Variants in EEF1AKMT2 observed in about 807,000 individuals in gnomAD.
EEF1AKMT2 encodes EEF1A lysine methyltransferase 2, also known as eukaryotic translation elongation factor 1 alpha lysine methyltransferase 2.
EEF1AKMT2 carries 32 observed loss-of-function variants against 35.8 expected under a neutral mutation model. The observed-to-expected ratio is 0.89, with a 90% CI of 0.67 to 1.20. The LOEUF is 1.20. Among genes scored for constraint, EEF1AKMT2 ranks in the 50% most tolerant of loss-of-function variants. EEF1AKMT2 has a pLI of 0.00. For missense variants in EEF1AKMT2, 330 were observed against 347.5 expected (o/e 0.95, Z 0.40); for synonymous variants, 121 against 133.7 (o/e 0.91, Z 0.65).
chr10:124,789,189 G>A (rs774521875), intron 2 of EEF1AKMT2, 32 bp from the exon 3 acceptor site: 10 of 1,456,098 alleles, frequency 6.9e-6, no homozygotes, highest in Non-Finnish European at 9.6e-6. Context: ...ATAACTGAGG[G>A]ATACAGAGCA....
intron 3 of EEF1AKMT2, among the ~76,000 whole-genome samples, chr10:124,784,531 A>G (rs1473677621): frequency 1.3e-5 from 2 of 152,154 alleles, no homozygotes; most frequent in Admixed American, 6.5e-5. Flanking sequence ...ATTTCATTAG[A>G]AAAGTCTCAA....
At chr10:124,765,925 C>T (rs984459217) in intron 4 of EEF1AKMT2, 15 of 190,366 alleles carry the variant, frequency 7.9e-5, no homozygotes, top group African/African-American at 3.0e-4. Context: ...TTATGAAAAA[C>T]CTGTTTCTGT....
In EEF1AKMT2 at chr10:124,789,182, AC is replaced by A. The variant is rs749398908; in HGVS notation, c.177-26del. 4.0e-6 allele frequency: 6 copies of A among 1,507,624 alleles called. No individual in the cohort carries two copies. The Admixed American group carries it at 1.0e-4, about 26-fold the overall frequency. The allele number at this position is 1,507,624 out of a possible 1,614,324, so 93.4% of individuals were successfully genotyped here. A position where few individuals can be genotyped will look rare whatever the true frequency, so the allele number is the denominator to read the frequency against. On this transcript the variant is annotated intron_variant, in intron 2 of 6. Transcript: ENST00000368836. ...CCTGTTAGAGAGAATCAGTCAAATA[AC>A]TGAGGGATACAGAGCAAAAGTCACC... is the stretch of plus-strand genomic sequence containing the variant.
intron 4 of EEF1AKMT2, among the ~76,000 whole-genome samples, chr10:124,770,118 A>G (rs561868733): frequency 7.5e-4 from 114 of 151,624 alleles, no homozygotes; most frequent in African/African-American, 2.7e-3. Context: ...TCTCGTCTCT[A>G]CTAAAAAAAT....
intron 6 of EEF1AKMT2, among the ~76,000 whole-genome samples, chr10:124,761,135 T>C (rs1950328432): frequency 6.6e-6 from 1 of 152,248 alleles, no homozygotes; most frequent in African/African-American, 2.4e-5. Flanking sequence ...CCCAAAGTGC[T>C]AGGATTACAG....
intron 3 of EEF1AKMT2, among the ~76,000 whole-genome samples, chr10:124,787,394 C>A (rs529845228): frequency 7.6e-6 from 1 of 130,928 alleles, no homozygotes; most frequent in South Asian, 2.5e-4. Flanking sequence ...GATCGTGAGA[C>A]TGCACTCCAG....
At chr10:124,788,745 T>C (rs1038114943) in intron 3 of EEF1AKMT2, among the ~76,000 whole-genome samples, 1 of 147,150 alleles carries the variant, frequency 6.8e-6, no homozygotes, top group African/African-American at 2.5e-5. Flanking sequence ...TCTAGAGTTT[T>C]GAGCTACAAG....
intron 1 of EEF1AKMT2, among the ~76,000 whole-genome samples, chr10:124,791,491 C>A (rs1950634104): frequency 6.6e-6 from 1 of 152,202 alleles, no homozygotes; most frequent in African/African-American, 2.4e-5. Flanking sequence ...CTGTCCCGCA[C>A]CCACAAGCCC....
chr10:124,769,248 A>ATATATATATATG lies in EEF1AKMT2; in HGVS notation c.400-3641_400-3640insCATATATATATA, dbSNP rs60863408. 1.4e-3 allele frequency among the ~76,000 whole-genome samples: 90 copies of ATATATATATATG among 63,788 alleles called. 2 individuals are homozygous for ATATATATATATG. Among genetic ancestry groups the ATATATATATATG allele is most frequent in the African/African-American group, 4.3e-3 (79 of 18,290 alleles). 41.8% of individuals were successfully genotyped at this position (63,788 alleles called of 152,430 possible). Reference sequence around the variant, plus strand: ...AAAAAAAAAAAATATATATATATATATGTGTGTATAAATAAAACGAACAGA... The same window carrying ATATATATATATG: ...AAAAAAAAAAAATATATATATATATATATATATATATGTGTGTGTATAAATAAAACGAACAGA... On this transcript the variant is annotated intron_variant, in intron 4 of 6. Transcript: ENST00000368836.
chr10:124,764,138 T>C (rs1950356102), intron 5 of EEF1AKMT2, among the ~76,000 whole-genome samples: 1 of 152,086 alleles, frequency 6.6e-6, no homozygotes. Context: ...GTATATGCAG[T>C]ACGGTTATAA....
At position 124,791,385 on chromosome 10, in the gene EEF1AKMT2, C is replaced by G. The variant is rs545055319; in HGVS notation, c.110+339G>C. Among the ~76,000 whole-genome samples the G allele has an allele frequency of 3.0e-3, 463 of 152,170 alleles. 2 individuals are homozygous for G. The highest frequency in any genetic ancestry group is 5.2e-3 in the Non-Finnish European group (353 of 67,998). ...TTCTCCCTCGGTCTCTCACTCTCGC[C>G]GACCAGCCCTATTCGCCAGCCTCGC... On this transcript the variant is annotated intron_variant, in intron 1 of 6. Coordinates refer to ENST00000368836, the MANE Select transcript of EEF1AKMT2 (RefSeq NM_212554.4).
Position 124,758,573 on chromosome 10 carries a change from A to T in EEF1AKMT2, c.*1930T>A, listed in dbSNP as rs1950305676. On this transcript the variant is annotated 3_prime_UTR_variant, in exon 7 of 7. Coordinates refer to ENST00000368836, the MANE Select transcript of EEF1AKMT2 (RefSeq NM_212554.4). ...CTAACATGCCCCAAATAGTGACTCG[A>T]AAAGCTTTTCAACAAAGAACCATTC... 6.6e-6 allele frequency: 1 copy of T among 152,016 alleles called. No homozygotes were observed. The highest frequency in any genetic ancestry group is 6.6e-5 in the Admixed American group (1 of 15,258). 9.4% of individuals were successfully genotyped at this position (152,016 alleles called of 1,614,324 possible).
At chr10:124,770,105 A>C (rs889524373) in intron 4 of EEF1AKMT2, among the ~76,000 whole-genome samples, 2 of 151,904 alleles carry the variant, frequency 1.3e-5, no homozygotes, top group Non-Finnish European at 2.9e-5. Context: ...CAACATGATG[A>C]AATCTCGTCT....
chr10:124,773,929 G>C (rs945606715), intron 4 of EEF1AKMT2, among the ~76,000 whole-genome samples: 13 of 152,134 alleles, frequency 8.5e-5, no homozygotes, highest in African/African-American at 2.9e-4. Flanking sequence ...CAAAAAAACA[G>C]GGCATGCCTG....
chr10:124,768,848 A>G (rs538408339), intron 4 of EEF1AKMT2, among the ~76,000 whole-genome samples: 1 of 152,252 alleles, frequency 6.6e-6, no homozygotes, highest in African/African-American at 2.4e-5. Flanking sequence ...AGGCTACTGT[A>G]GTAGTTTAAA....
chr10:124,786,335 T>C (rs1241603599), intron 3 of EEF1AKMT2, among the ~76,000 whole-genome samples: 3 of 151,620 alleles, frequency 2.0e-5, no homozygotes, highest in East Asian at 1.9e-4. Flanking sequence ...TGAAACCCCG[T>C]CTCTACTGAA....
intron 3 of EEF1AKMT2, among the ~76,000 whole-genome samples, chr10:124,788,296 C>G (rs1414345768): frequency 6.6e-6 from 1 of 152,066 alleles, no homozygotes; most frequent in Non-Finnish European, 1.5e-5. Context: ...ATTAATCACC[C>G]TCTTTTCTAT....
chr10:124,790,188 C>T (rs1447666546), intron 2 of EEF1AKMT2, 85 bp downstream of exon 2: 25 of 1,104,966 alleles, frequency 2.3e-5, no homozygotes, highest in South Asian at 7.6e-5. Context: ...CCACCGCGCC[C>T]GGCGAATATA....
At chr10:124,767,552 T>C (rs1950390405) in intron 4 of EEF1AKMT2, among the ~76,000 whole-genome samples, 1 of 141,552 alleles carries the variant, frequency 7.1e-6, no homozygotes, top group South Asian at 2.3e-4. Flanking sequence ...AGAAAGAAAA[T>C]ATACCTTATA....
Sources: allele counts gnomAD v4.1 joint callset (sites outside exome capture counted in the v4.1 genomes callset), GRCh38; gene constraint gnomAD v4.1.1; transcripts MANE v1.5; gene names NCBI Gene and HGNC (gene_info 2026-07-23, HGNC 2026-07-21).